The following PTPRR variants were observed in gnomAD, a reference collection of about 807,000 sequenced individuals.
The protein encoded by PTPRR is protein tyrosine phosphatase receptor type R.
In PTPRR, 38 loss-of-function variants were observed where a neutral mutation model predicts 77.2. The observed-to-expected ratio is 0.49, with a 90% CI of 0.38 to 0.65. PTPRR has a LOEUF of 0.65. Ranked by LOEUF, PTPRR falls within the 30% of genes least tolerant of loss-of-function variation. PTPRR has a pLI of 0.00. For synonymous variants in PTPRR, 299 were observed against 283.1 expected (o/e 1.06, Z -0.57); for missense variants, 744 against 799.2 (o/e 0.93, Z 0.83).
At chr12:70,920,259 T>C in intron 1 of PTPRR, 74 bp downstream of exon 1, 2 of 1,498,286 alleles carry the variant, frequency 1.3e-6, no homozygotes, top group Non-Finnish European at 1.8e-6. Context: ...AGGCAAGCTT[T>C]TCCTAGAGTC....
Position 70,712,160 on chromosome 12 carries a change from C to T in PTPRR, c.1008-10837G>A, listed in dbSNP as rs78488655. Among the ~76,000 whole-genome samples, 1,406 of 151,954 alleles carry T rather than the reference C, an allele frequency of 9.3e-3. 18 individuals carry two copies. Among genetic ancestry groups the T allele is most frequent in the African/African-American group, 0.032 (1,321 of 41,430 alleles). ...ACTTTGCTGGGTTACTCTGTGGCCA[C>T]AGATTATATTTAAAGTATCATCAGT... On this transcript the variant is annotated intron_variant, in intron 6 of 13. Transcript: ENST00000283228.
intron 2 of PTPRR, among the ~76,000 whole-genome samples, chr12:70,866,648 T>C (rs1037585580): frequency 1.3e-5 from 2 of 152,024 alleles, no homozygotes; most frequent in African/African-American, 2.4e-5. Flanking sequence ...TTCCAATCAA[T>C]AGAAAAAGAG....
intron 2 of PTPRR, among the ~76,000 whole-genome samples, chr12:70,807,498 C>A (rs1162132326): frequency 6.6e-6 from 1 of 152,136 alleles, no homozygotes; most frequent in East Asian, 1.9e-4. Flanking sequence ...CCACCAGATA[C>A]AATGTACTTG....
intron 6 of PTPRR, among the ~76,000 whole-genome samples, chr12:70,730,020 A>G (rs961674670): frequency 2.6e-5 from 4 of 152,156 alleles, no homozygotes; most frequent in African/African-American, 9.7e-5. Context: ...TGAAAAAATA[A>G]TAATTCCAAG....
At chr12:70,894,715 T>C (rs1158043349) in intron 1 of PTPRR, among the ~76,000 whole-genome samples, 2 of 151,768 alleles carry the variant, frequency 1.3e-5, no homozygotes, top group African/African-American at 2.4e-5. Flanking sequence ...AACATTGAGA[T>C]ATCCTGTTCT....
At chr12:70,897,466 C>T (rs1207589751) in intron 1 of PTPRR, among the ~76,000 whole-genome samples, 7 of 151,800 alleles carry the variant, frequency 4.6e-5, no homozygotes, top group African/African-American at 1.7e-4. Context: ...TACCATCTCA[C>T]ACCAGTTAGA....
In PTPRR at chr12:70,682,840, T is replaced by C. The variant is rs538858366; in HGVS notation, c.1497+1287A>G. 1.1e-4 allele frequency among the ~76,000 whole-genome samples: 17 copies of C among 152,308 alleles called. No homozygotes were observed. In the East Asian group the frequency reaches 3.1e-3, roughly 28 times the overall value. On this transcript the variant is annotated intron_variant, in intron 10 of 13. Transcript: ENST00000283228. ...TATAATGCCACCTCAGGCTTTAATA[T>C]CAGATTCATAGAAGTGTGTTTAGTT...
Position 70,920,580 on chromosome 12 carries a change from G to T in PTPRR, c.-190C>A. 1.8e-6 allele frequency: 1 copy of T among 569,444 alleles called. No homozygotes were observed. Among genetic ancestry groups the T allele is most frequent in the South Asian group, 1.9e-5 (1 of 52,064 alleles). The allele number at this position is 569,444 out of a possible 1,614,324, so 35.3% of individuals were successfully genotyped here. On this transcript the variant is annotated 5_prime_UTR_variant, in exon 1 of 14. Transcript: ENST00000283228. Reference sequence around the variant, plus strand: ...AGCTTCAACCTCCCTAAGAGAGGGAGAGAGGAAGAGCAGTAGGAGGTTGCG... The same window carrying T: ...AGCTTCAACCTCCCTAAGAGAGGGATAGAGGAAGAGCAGTAGGAGGTTGCG...
intron 7 of PTPRR, among the ~76,000 whole-genome samples, chr12:70,699,805 T>C (rs1888355901): frequency 6.6e-6 from 1 of 152,182 alleles, no homozygotes; most frequent in African/African-American, 2.4e-5. Flanking sequence ...GTCAGTGTCT[T>C]TGGGCAAAGC....
chr12:70,658,007 C>T (rs1886646620), intron 12 of PTPRR, among the ~76,000 whole-genome samples: 1 of 152,138 alleles, frequency 6.6e-6, no homozygotes, highest in Non-Finnish European at 1.5e-5. Context: ...TATATCATTC[C>T]CTACTCAAAA....
At chr12:70,710,566 A>G (rs1472363958) in intron 6 of PTPRR, among the ~76,000 whole-genome samples, 1 of 152,170 alleles carries the variant, frequency 6.6e-6, no homozygotes, top group Non-Finnish European at 1.5e-5. Context: ...ATTTAATTAA[A>G]CCAAAGAGCT....
chr12:70,892,536 G>A, intron 2 of PTPRR, 143 bp downstream of exon 2: 1 of 1,000,212 alleles, frequency 1.0e-6, no homozygotes, highest in Non-Finnish European at 1.5e-6. Flanking sequence ...TAAGAAATTA[G>A]AAGTACCACA....
intron 2 of PTPRR, among the ~76,000 whole-genome samples, chr12:70,806,339 T>A (rs1891709191): frequency 6.6e-6 from 1 of 152,112 alleles, no homozygotes; most frequent in Non-Finnish European, 1.5e-5. Context: ...TACAGGAAAG[T>A]CTTGTTTGGG....
intron 2 of PTPRR, among the ~76,000 whole-genome samples, chr12:70,849,504 G>A (rs1376673063): frequency 1.3e-5 from 2 of 152,168 alleles, no homozygotes; most frequent in Non-Finnish European, 1.5e-5. Context: ...CATTAACATA[G>A]CATGGCACTT....
chr12:70,798,808 TTA>T (rs1891562651), intron 2 of PTPRR, among the ~76,000 whole-genome samples: 1 of 142,978 alleles, frequency 7.0e-6, no homozygotes, highest in East Asian at 2.3e-4. Flanking sequence ...ATAGACCTTA[TTA>T]TAGTCTCTAA....
chr12:70,838,154 T>G (rs1227123697), intron 2 of PTPRR, among the ~76,000 whole-genome samples: 2 of 152,134 alleles, frequency 1.3e-5, no homozygotes, highest in Non-Finnish European at 2.9e-5. Flanking sequence ...CCGCATTTCT[T>G]TACAAAACAA....
At chr12:70,722,153 C>G (rs1488687714) in intron 6 of PTPRR, among the ~76,000 whole-genome samples, 1 of 152,126 alleles carries the variant, frequency 6.6e-6, no homozygotes, top group African/African-American at 2.4e-5. Flanking sequence ...CTACCAGAAC[C>G]CAGGGTCCTT....
chr12:70,765,372 T>C (rs1890792381), intron 2 of PTPRR, among the ~76,000 whole-genome samples: 1 of 152,220 alleles, frequency 6.6e-6, no homozygotes, highest in African/African-American at 2.4e-5. Flanking sequence ...CTCACCTGGC[T>C]TGGAGGGTCC....
At chr12:70,771,922 C>G (rs1458569676) in intron 2 of PTPRR, among the ~76,000 whole-genome samples, 1 of 152,078 alleles carries the variant, frequency 6.6e-6, no homozygotes, top group Non-Finnish European at 1.5e-5. Flanking sequence ...ATAAACAATT[C>G]TTATTCAGTT....
Sources: gnomAD v4.1 joint callset for allele counts (sites outside exome capture counted in the v4.1 genomes callset) on GRCh38, gnomAD v4.1.1 for gene constraint, MANE v1.5 for transcripts, NCBI Gene and HGNC (gene_info 2026-07-23, HGNC 2026-07-21) for gene names.